The following RAP1GAP2 variants were observed in gnomAD, a reference collection of about 807,000 sequenced individuals.
The protein encoded by RAP1GAP2 is rap1 GTPase-activating protein 2.
In RAP1GAP2, 27 loss-of-function variants were observed where a neutral mutation model predicts 95.0. That is an observed-to-expected ratio of 0.28 (90% confidence interval 0.21 to 0.39). The LOEUF (loss-of-function observed/expected upper bound fraction) is 0.39. Ranked by LOEUF, RAP1GAP2 falls within the 10% of genes least tolerant of loss-of-function variation. The pLI is 1.00. For synonymous variants in RAP1GAP2, 373 were observed against 380.9 expected, an observed-to-expected ratio of 0.98 and a Z score of 0.24; for missense variants, 771 against 970.0, an observed-to-expected ratio of 0.79 and a Z score of 2.72.
At chr17:2,900,941 C>G (rs1458718962) in intron 2 of RAP1GAP2, among the ~76,000 whole-genome samples, 1 of 152,168 alleles carries the variant, frequency 6.6e-6, no homozygotes, top group African/African-American at 2.4e-5. Flanking sequence ...GCAGTGACCT[C>G]AAGATGGTCT....
intron 3 of RAP1GAP2, among the ~76,000 whole-genome samples, chr17:2,929,183 T>C (rs1314032738): frequency 6.6e-6 from 1 of 152,074 alleles, no homozygotes; most frequent in Non-Finnish European, 1.5e-5. Flanking sequence ...CAGTGAACCA[T>C]GATCGCGCCA....
chr17:3,002,325 G>C (rs977994944), intron 14 of RAP1GAP2, among the ~76,000 whole-genome samples: 69 of 152,316 alleles, frequency 4.5e-4, no homozygotes, highest in African/African-American at 1.6e-3. Context: ...TGAGAAGCAG[G>C]GGGGCAGGGC....
chr17:2,919,981 G>A (rs574708658), intron 3 of RAP1GAP2, among the ~76,000 whole-genome samples: 46 of 151,506 alleles, frequency 3.0e-4, no homozygotes, highest in Non-Finnish European at 3.1e-4. Flanking sequence ...GATGACAGGC[G>A]TGAGCCGCCG....
rs1338775744 is a variant in RAP1GAP2 at position 2,964,339 on chromosome 17, C to T, written c.492+271C>T. 13 of 28,104 alleles carry T rather than the reference C, an allele frequency of 4.6e-4. No homozygotes were observed. The East Asian group carries it at 9.5e-3, about 21-fold the overall frequency. The allele number at this position is 28,104 out of a possible 1,614,324, so 1.7% of individuals were successfully genotyped here. A position where few individuals can be genotyped will look rare whatever the true frequency, so the allele number is the denominator to read the frequency against. The stretch of plus-strand genomic sequence containing the variant: ...GAGGCTTGGGGGACAGAGGAGCTGG[C>T]GGGGGTGGGGGGAGGGGCTGGGGGC... On this transcript the variant is annotated intron_variant, in intron 7 of 24. Transcript: ENST00000254695.
At chr17:2,763,137 T>A (rs929792781) in intron 1 of RAP1GAP2, among the ~76,000 whole-genome samples, 1 of 152,200 alleles carries the variant, frequency 6.6e-6, no homozygotes, top group Non-Finnish European at 1.5e-5. Flanking sequence ...TTCAATGCAA[T>A]CCAATTCAGC....
In RAP1GAP2 at chr17:3,005,938, C is replaced by T. The variant is rs565493881; in HGVS notation, c.1273-17C>T. On this transcript the variant is annotated splice_polypyrimidine_tract_variant and intron_variant, in intron 15 of 24. Transcript: ENST00000254695. This position sits in a 1 kb window ranked among gnomAD's most constrained non-coding sequence, Gnocchi z 5.2. The stretch of plus-strand genomic sequence containing the variant: ...AGCCGAGAGTGACAGACCTGAGGTC[C>T]GTCTTGTCTCTTCCAGGGCCCGGAA... 80 of 1,609,066 alleles carry T rather than the reference C, an allele frequency of 5.0e-5. No individual in the cohort carries two copies. The highest frequency in any genetic ancestry group is 4.5e-4 in the Admixed American group (27 of 59,996).
intron 13 of RAP1GAP2, among the ~76,000 whole-genome samples, chr17:2,997,940 A>G (rs1271378943): frequency 4.0e-5 from 6 of 148,654 alleles, no homozygotes; most frequent in South Asian, 2.1e-4. Flanking sequence ...AAAAAAAAAG[A>G]AAAAAAAAAG....
At chr17:3,012,692 T>G (rs2046599852) in intron 17 of RAP1GAP2, among the ~76,000 whole-genome samples, 1 of 149,034 alleles carries the variant, frequency 6.7e-6, no homozygotes, top group Non-Finnish European at 1.5e-5. Context: ...GGTAAATAGG[T>G]AAGGCCTGAA....
intron 2 of RAP1GAP2, among the ~76,000 whole-genome samples, chr17:2,853,584 G>T: frequency 6.7e-6 from 1 of 150,188 alleles, no homozygotes; most frequent in Non-Finnish European, 1.5e-5. Context: ...AGCGCTGTCC[G>T]CCTCCTCCTG....
chr17:2,947,616 G>A (rs966102024), intron 3 of RAP1GAP2, among the ~76,000 whole-genome samples: 5 of 152,132 alleles, frequency 3.3e-5, no homozygotes, highest in African/African-American at 1.2e-4. Flanking sequence ...CACAGCAAAC[G>A]AAGAGCTCTG....
At chr17:2,920,183 AT>A (rs1567778992) in intron 3 of RAP1GAP2, among the ~76,000 whole-genome samples, 1 of 152,012 alleles carries the variant, frequency 6.6e-6, no homozygotes, top group African/African-American at 2.4e-5. Context: ...CTTAAAAAAA[AT>A]TTTTTTTAAT....
At chr17:2,942,405 G>T (rs949469304) in intron 3 of RAP1GAP2, among the ~76,000 whole-genome samples, 3 of 152,070 alleles carry the variant, frequency 2.0e-5, no homozygotes, top group South Asian at 2.1e-4. Flanking sequence ...GGCTGATTTG[G>T]CTCATAGAAT....
chr17:2,786,136 G>A (rs1232473514), intron 1 of RAP1GAP2, among the ~76,000 whole-genome samples: 1 of 152,112 alleles, frequency 6.6e-6, no homozygotes, highest in African/African-American at 2.4e-5. Context: ...CCTGACCTCA[G>A]GTGATCCGTC....
chr17:2,964,094 G>C (rs1243783378), intron 7 of RAP1GAP2, 26 bp downstream of exon 7: 2 of 1,581,112 alleles, frequency 1.3e-6, no homozygotes, highest in African/African-American at 1.4e-5. Flanking sequence ...AGGAGCTGCT[G>C]GGGGTTGGGG....
chr17:2,967,367 T>C (rs1040724463), intron 8 of RAP1GAP2, among the ~76,000 whole-genome samples: 1 of 151,656 alleles, frequency 6.6e-6, no homozygotes, highest in African/African-American at 2.4e-5. Context: ...TGAGACTCTG[T>C]CTCAACAACA....
Position 2,815,707 on chromosome 17 carries a change from C to T in RAP1GAP2, c.80+15157C>T, listed in dbSNP as rs144329497. Among the ~76,000 whole-genome samples, 7 of 152,224 alleles carry T rather than the reference C, an allele frequency of 4.6e-5. No individual in the cohort carries two copies. The South Asian group carries it at 1.5e-3, about 32-fold the overall frequency. On this transcript the variant is annotated intron_variant, in intron 2 of 24. Coordinates refer to ENST00000254695, the MANE Select transcript of RAP1GAP2 (RefSeq NM_015085.5). ...ACGTTGACCAGGCTGGTCTTGAACT[C>T]CTGACCTCAGGTGATCCGCCCACCT...
At chr17:2,879,983 C>G (rs1023688382) in intron 2 of RAP1GAP2, among the ~76,000 whole-genome samples, 1 of 151,952 alleles carries the variant, frequency 6.6e-6, no homozygotes, top group African/African-American at 2.4e-5. Flanking sequence ...CAATGGGGAC[C>G]AGGTAGGCCT....
chr17:2,884,411 T>C (rs1028353765), intron 2 of RAP1GAP2, among the ~76,000 whole-genome samples: 2 of 150,612 alleles, frequency 1.3e-5, no homozygotes, highest in Non-Finnish European at 3.0e-5. Flanking sequence ...CTCGCTCTGT[T>C]GCCCAGGCTG....
At chr17:2,997,873 A>T (rs1262428378) in intron 13 of RAP1GAP2, among the ~76,000 whole-genome samples, 1 of 150,592 alleles carries the variant, frequency 6.6e-6, no homozygotes, top group Admixed American at 6.6e-5. Flanking sequence ...CAGTGAGCCG[A>T]GATCGTGCCA....
Sources: allele counts gnomAD v4.1 joint callset (sites outside exome capture counted in the v4.1 genomes callset), GRCh38; gene constraint gnomAD v4.1.1; non-coding constraint Gnocchi (gnomAD v3.1); transcripts MANE v1.5; gene names NCBI Gene and HGNC (gene_info 2026-07-23, HGNC 2026-07-21).